BRD10: variants seen among roughly 807,000 people sequenced by gnomAD.
The protein encoded by BRD10 is bromodomain containing 10, also known as uncharacterized bromodomain-containing protein 10.
the BRD10 span, among the ~76,000 whole-genome samples, chr9:5,934,819 G>A: frequency 6.6e-6 from 1 of 151,862 alleles, no homozygotes; most frequent in Non-Finnish European, 1.5e-5. Flanking sequence ...TATATCCAAA[G>A]GTATAATCTA....
the BRD10 span, among the ~76,000 whole-genome samples, chr9:5,914,988 CAAACA>C: frequency 6.6e-6 from 1 of 152,070 alleles, no homozygotes; most frequent in Non-Finnish European, 1.5e-5. Flanking sequence ...CCAAGCCCAA[CAAACA>C]AAAGAACAAA....
chr9:5,922,459 T>C, the BRD10 span: 1 of 1,614,000 alleles, frequency 6.2e-7, no homozygotes, highest in Non-Finnish European at 8.5e-7. Context: ...TAGCACTACT[T>C]ATATTTGATA....
the BRD10 span, among the ~76,000 whole-genome samples, chr9:5,905,066 C>A: frequency 4.9e-3 from 739 of 152,322 alleles, 5 homozygotes; most frequent in Middle Eastern, 0.027. Context: ...AGCCACCGTG[C>A]CCGGCCTTAT....
At chr9:5,903,719 T>C in the BRD10 span, among the ~76,000 whole-genome samples, 2 of 152,222 alleles carry the variant, frequency 1.3e-5, no homozygotes, top group Non-Finnish European at 2.9e-5. Flanking sequence ...TTATGTCTTC[T>C]TGGAGAATGA....
the BRD10 span, among the ~76,000 whole-genome samples, chr9:5,981,282 A>G: frequency 6.6e-6 from 1 of 152,330 alleles, no homozygotes; most frequent in Admixed American, 6.5e-5. Context: ...CCTTCAATAG[A>G]AGTATCTTCT....
the BRD10 span, chr9:5,924,882 T>C: frequency 4.5e-6 from 6 of 1,327,160 alleles, no homozygotes; most frequent in East Asian, 1.5e-4. Context: ...ATAATACATA[T>C]GATTTAAATT....
the BRD10 span, chr9:5,922,281 TTGA>T: frequency 6.2e-7 from 1 of 1,613,856 alleles, no homozygotes. Flanking sequence ...AGTGTTGTTG[TTGA>T]TGACAGAGGC....
At chr9:5,943,748 T>C in the BRD10 span, among the ~76,000 whole-genome samples, 1 of 152,176 alleles carries the variant, frequency 6.6e-6, no homozygotes, top group East Asian at 1.9e-4. Flanking sequence ...ATATGCACTT[T>C]TCCACATTCT....
chr9:5,936,774 T>G, the BRD10 span, among the ~76,000 whole-genome samples: 2 of 148,918 alleles, frequency 1.3e-5, no homozygotes, highest in Non-Finnish European at 3.0e-5. Flanking sequence ...GTAAAGCTCA[T>G]TTTTTTACCT....
the BRD10 span, chr9:5,920,483 G>T: frequency 1.9e-6 from 3 of 1,613,988 alleles, no homozygotes; most frequent in Non-Finnish European, 1.7e-6. Context: ...GTAACTGGGG[G>T]TTTTTACTAA....
At chr9:5,888,883 C>G in the BRD10 span, among the ~76,000 whole-genome samples, 2 of 152,178 alleles carry the variant, frequency 1.3e-5, no homozygotes, top group Non-Finnish European at 2.9e-5. Flanking sequence ...TTATTCTACA[C>G]AACAACAAGG....
the BRD10 span, among the ~76,000 whole-genome samples, chr9:5,939,758 A>C: frequency 6.6e-6 from 1 of 152,240 alleles, no homozygotes; most frequent in Admixed American, 6.5e-5. Flanking sequence ...ATTTGGGACA[A>C]GACAGTTCTT....
the BRD10 span, among the ~76,000 whole-genome samples, chr9:6,003,688 T>G: frequency 2.0e-5 from 3 of 152,174 alleles, no homozygotes; most frequent in African/African-American, 7.2e-5. Flanking sequence ...GAATTCATTC[T>G]GAGAATTAAT....
chr9:5,980,345 T>C, the BRD10 span, among the ~76,000 whole-genome samples: 1 of 152,168 alleles, frequency 6.6e-6, no homozygotes. Flanking sequence ...CCTTTCTCAG[T>C]ATTTATTCCT....
the BRD10 span, among the ~76,000 whole-genome samples, chr9:5,930,263 G>C: frequency 6.6e-6 from 1 of 151,080 alleles, no homozygotes; most frequent in Admixed American, 6.6e-5. Flanking sequence ...AGCAACTGTT[G>C]AGTCCATTTG....
At chr9:5,950,521 T>C in the BRD10 span, among the ~76,000 whole-genome samples, 3 of 152,192 alleles carry the variant, frequency 2.0e-5, no homozygotes, top group Non-Finnish European at 4.4e-5. Flanking sequence ...AGAACCCTTG[T>C]GTTTAACCAC....
chr9:5,988,605 T>C, the BRD10 span: 1 of 1,247,094 alleles, frequency 8.0e-7, no homozygotes, highest in Non-Finnish European at 1.2e-6. Context: ...ATAAACCCCC[T>C]TAGCCAGCAA....
At chr9:5,920,150 T>A in the BRD10 span, 1 of 1,613,978 alleles carries the variant, frequency 6.2e-7, no homozygotes, top group African/African-American at 1.3e-5. Flanking sequence ...ACTTAAGGAA[T>A]TATTTGATGC....
the BRD10 span, among the ~76,000 whole-genome samples, chr9:5,887,809 T>G: frequency 1.3e-5 from 2 of 152,240 alleles, no homozygotes; most frequent in Non-Finnish European, 2.9e-5. Flanking sequence ...CAACTGGTTG[T>G]TCTTTCTGAA....
Sources: gnomAD v4.1 joint callset for allele counts (sites outside exome capture counted in the v4.1 genomes callset) on GRCh38, gnomAD v4.1.1 for gene constraint, MANE v1.5 for transcripts, NCBI Gene and HGNC (gene_info 2026-07-23, HGNC 2026-07-21) for gene names.